FHIT: variants seen among roughly 807,000 people sequenced by gnomAD.
The protein encoded by FHIT is bis(5'-adenosyl)-triphosphatase.
In FHIT, 19 loss-of-function variants were observed where a neutral mutation model predicts 17.9. That is an observed-to-expected ratio of 1.06 (90% CI 0.74 to 1.56). The LOEUF (loss-of-function observed/expected upper bound fraction) is 1.56, where lower values mean the gene tolerates loss of function less well. FHIT is among the 40% of genes most tolerant of loss of function. FHIT has a pLI of 0.00. For missense variants in FHIT, 248 were observed against 189.2 expected, an observed-to-expected ratio of 1.31 and a Z score of -1.82; for synonymous variants, 81 against 69.7, an observed-to-expected ratio of 1.16 and a Z score of -0.81.
At chr3:60,999,993 A>G (rs914824980) in intron 3 of FHIT, among the ~76,000 whole-genome samples, 1 of 152,086 alleles carries the variant, frequency 6.6e-6, no homozygotes, top group Non-Finnish European at 1.5e-5. Flanking sequence ...AATCCCATCC[A>G]TGAGGGTGGA....
At chr3:60,979,604 C>T (rs1325903692) in intron 3 of FHIT, among the ~76,000 whole-genome samples, 1 of 152,174 alleles carries the variant, frequency 6.6e-6, no homozygotes, top group Non-Finnish European at 1.5e-5. Flanking sequence ...TGGATCATGC[C>T]TGACCCTTCT....
At position 60,356,292 on chromosome 3, in the gene FHIT, G is replaced by C. The variant is rs140408143; in HGVS notation, c.103+180568C>G. On this transcript the variant is annotated intron_variant, in intron 5 of 9. Transcript: ENST00000492590. ...TAAGCACATCCTCCATTGTAGAACA[G>C]ATTGAGTTCAACTGTGGTTTTTTTA... is the stretch of plus-strand genomic sequence containing the variant. Among the ~76,000 whole-genome samples, 434 of 152,260 alleles carry C rather than the reference G, an allele frequency of 2.9e-3. 6 individuals carry two copies. The Middle Eastern group carries it at 0.041, about 14-fold the overall frequency.
chr3:60,320,014 C>T (rs1160878647), intron 5 of FHIT, among the ~76,000 whole-genome samples: 3 of 152,162 alleles, frequency 2.0e-5, no homozygotes, highest in Non-Finnish European at 2.9e-5. Context: ...ATTTAAAGCG[C>T]TCCGTAGGAT....
intron 7 of FHIT, among the ~76,000 whole-genome samples, chr3:59,933,712 C>G (rs1212045264): frequency 2.0e-5 from 3 of 152,140 alleles, no homozygotes; most frequent in African/African-American, 7.2e-5. Flanking sequence ...AGTGTAATAA[C>G]AAACAGCATC....
At position 59,751,942 on chromosome 3, in the gene FHIT, G is replaced by A. The variant is rs1700930915; in HGVS notation, c.*5+279C>T. On this transcript the variant is annotated intron_variant, in intron 9 of 9. Transcript: ENST00000492590. Reference sequence around the variant, plus strand: ...TCTGCTTTGTGAACATTGGATTCTGGAGGAGCACCACCGCAGGAAAGACTG... The same window carrying A: ...TCTGCTTTGTGAACATTGGATTCTGAAGGAGCACCACCGCAGGAAAGACTG... The A allele has an allele frequency of 1.4e-5, 5 of 359,404 alleles. No homozygotes were observed. In the Admixed American group the frequency reaches 2.3e-4, roughly 16 times the overall value. The allele number at this position is 359,404 out of a possible 1,614,324, so 22.3% of individuals were successfully genotyped here.
chr3:60,870,723 T>C (rs1404966048), intron 3 of FHIT, among the ~76,000 whole-genome samples: 1 of 152,144 alleles, frequency 6.6e-6, no homozygotes, highest in African/African-American at 2.4e-5. Context: ...TGGAATGCAA[T>C]AGTCCCACTA....
intron 3 of FHIT, among the ~76,000 whole-genome samples, chr3:60,897,253 T>C (rs915583548): frequency 2.6e-5 from 4 of 152,192 alleles, no homozygotes; most frequent in Non-Finnish European, 4.4e-5. Context: ...GTTGAACATA[T>C]TTTCATATAC....
intron 5 of FHIT, among the ~76,000 whole-genome samples, chr3:60,520,406 C>T (rs1011667074): frequency 1.1e-4 from 16 of 152,140 alleles, no homozygotes; most frequent in East Asian, 5.8e-4. Context: ...ATTAATGCTC[C>T]GTACCTCCTG....
At chr3:60,918,439 T>C (rs540413867) in intron 3 of FHIT, among the ~76,000 whole-genome samples, 1 of 152,294 alleles carries the variant, frequency 6.6e-6, no homozygotes, top group African/African-American at 2.4e-5. Context: ...AACTTGCATA[T>C]AATTTGGGAG....
chr3:61,021,256 T>A (rs2032408399), intron 3 of FHIT, among the ~76,000 whole-genome samples: 1 of 152,082 alleles, frequency 6.6e-6, no homozygotes, highest in Admixed American at 6.5e-5. Flanking sequence ...GCACTTATTC[T>A]AAAATTGACC....
intron 3 of FHIT, among the ~76,000 whole-genome samples, chr3:61,041,794 C>G (rs749436356): frequency 1.3e-5 from 2 of 151,486 alleles, no homozygotes; most frequent in Non-Finnish European, 2.9e-5. Context: ...TGTTATGAAC[C>G]AGAACAATAC....
At chr3:59,894,426 C>G (rs767463343) in intron 8 of FHIT, among the ~76,000 whole-genome samples, 4 of 152,062 alleles carry the variant, frequency 2.6e-5, no homozygotes, top group Non-Finnish European at 5.9e-5. Context: ...AGCATCATAA[C>G]CAGGAGGACT....
chr3:60,104,078 G>T (rs1251250432), intron 5 of FHIT, among the ~76,000 whole-genome samples: 2 of 152,180 alleles, frequency 1.3e-5, no homozygotes, highest in Non-Finnish European at 2.9e-5. Context: ...AGTGAGGAAG[G>T]TAGACTCTTT....
chr3:60,556,871 T>C (rs932196018), intron 4 of FHIT, among the ~76,000 whole-genome samples: 1 of 152,222 alleles, frequency 6.6e-6, no homozygotes, highest in African/African-American at 2.4e-5. Flanking sequence ...GGGCAAAGGA[T>C]GCTCTCTTTT....
At chr3:59,893,828 T>G (rs1043361225) in intron 8 of FHIT, among the ~76,000 whole-genome samples, 1 of 152,154 alleles carries the variant, frequency 6.6e-6, no homozygotes, top group Non-Finnish European at 1.5e-5. Context: ...GAAGAAACAT[T>G]AGGTATTGAT....
chr3:60,003,791 G>T (rs966057764), intron 7 of FHIT, among the ~76,000 whole-genome samples: 9 of 151,290 alleles, frequency 5.9e-5, no homozygotes, highest in Non-Finnish European at 1.2e-4. Flanking sequence ...AGGTTGAATT[G>T]GCCACTAATA....
At chr3:59,768,662 C>A (rs998451014) in intron 8 of FHIT, among the ~76,000 whole-genome samples, 1 of 152,190 alleles carries the variant, frequency 6.6e-6, no homozygotes, top group South Asian at 2.1e-4. Flanking sequence ...TAACCATGAC[C>A]TTATAAAACC....
chr3:60,574,574 C>A (rs1272918439), intron 4 of FHIT, among the ~76,000 whole-genome samples: 1 of 151,934 alleles, frequency 6.6e-6, no homozygotes, highest in Non-Finnish European at 1.5e-5. Flanking sequence ...CTCCTAATCC[C>A]TCAAGAATCC....
chr3:60,936,757 CA>C (rs1392019241), intron 3 of FHIT, among the ~76,000 whole-genome samples: 4 of 152,072 alleles, frequency 2.6e-5, no homozygotes, highest in Non-Finnish European at 4.4e-5. Context: ...CTTGCATAAA[CA>C]TTTAAACATT....
Sources: allele counts gnomAD v4.1 joint callset (sites outside exome capture counted in the v4.1 genomes callset), GRCh38; gene constraint gnomAD v4.1.1; transcripts MANE v1.5; gene names NCBI Gene and HGNC (gene_info 2026-07-23, HGNC 2026-07-21).